The following MTOR variants were observed in gnomAD, a reference collection of about 807,000 sequenced individuals.
MTOR encodes the protein mechanistic target of rapamycin kinase.
MTOR carries 70 observed loss-of-function variants against 319.8 expected under a neutral mutation model. The ratio of observed to expected loss-of-function variants is 0.22; its 90% CI spans 0.18 to 0.27. The LOEUF (loss-of-function observed/expected upper bound fraction) is 0.27. MTOR is among the 10% of genes least tolerant of loss of function. MTOR has a pLI of 1.00. For synonymous variants in MTOR, 1,183 were observed against 1,211.4 expected, an observed-to-expected ratio of 0.98 and a Z score of 0.49; for missense variants, 1,890 against 3,274.4, an observed-to-expected ratio of 0.58 and a Z score of 10.32.
chr1:11,193,352 T>C (rs1645625932), intron 28 of MTOR, among the ~76,000 whole-genome samples: 1 of 151,142 alleles, frequency 6.6e-6, no homozygotes, highest in African/African-American at 2.4e-5. Context: ...CCAAGCTTCA[T>C]GTGCACTCAC....
chr1:11,220,031 CAA>C (rs35124153), intron 19 of MTOR, among the ~76,000 whole-genome samples: 1 of 54,632 alleles, frequency 1.8e-5, no homozygotes, highest in Non-Finnish European at 3.4e-5. Flanking sequence ...GACTTGATCT[CAA>C]AAAAAAAAAA....
In MTOR at chr1:11,253,731, T is replaced by C. The variant is rs369492976; in HGVS notation, c.840+108A>G. 2.3e-5 allele frequency: 29 copies of C among 1,249,432 alleles called. No individual in the cohort carries two copies. The East Asian group carries it at 3.3e-4, about 14-fold the overall frequency. The allele number at this position is 1,249,432 out of a possible 1,614,324, so 77.4% of individuals were successfully genotyped here. A position where few individuals can be genotyped will look rare whatever the true frequency, so the allele number is the denominator to read the frequency against. Reference sequence around the variant, plus strand: ...AATTATCTTATTTACTTATTTATTATGTTTCCTGCCACAAAATGTCAGCTC... The same window carrying C: ...AATTATCTTATTTACTTATTTATTACGTTTCCTGCCACAAAATGTCAGCTC... On this transcript the variant is annotated intron_variant, in intron 6 of 57. Coordinates refer to ENST00000361445, the MANE Select transcript of MTOR (RefSeq NM_004958.4).
At chr1:11,110,726 G>T (rs1166245883) in intron 54 of MTOR, among the ~76,000 whole-genome samples, 2 of 152,032 alleles carry the variant, frequency 1.3e-5, no homozygotes, top group African/African-American at 4.8e-5. Flanking sequence ...TGATCCATTG[G>T]AAGTTCTTTT....
intron 28 of MTOR, chr1:11,189,234 C>T (rs1268878236): frequency 9.6e-6 from 2 of 208,824 alleles, no homozygotes; most frequent in Non-Finnish European, 2.0e-5. Context: ...CCGCTGACTT[C>T]ACCCAACAGG....
chr1:11,109,535 C>A lies in MTOR; in HGVS notation c.7447+114G>T. 1 of 1,254,504 alleles carries A rather than the reference C, an allele frequency of 8.0e-7. No individual in the cohort carries two copies. The highest frequency in any genetic ancestry group is 1.2e-6 in the Non-Finnish European group (1 of 867,770). The allele number at this position is 1,254,504 out of a possible 1,614,324, so 77.7% of individuals were successfully genotyped here. A position where few individuals can be genotyped will look rare whatever the true frequency, so the allele number is the denominator to read the frequency against. Reference sequence around the variant, plus strand: ...TAATGAGAAATTCATGGAACCTTTTCTGCTCAAAGGCAGTTTTGTTGCTTC... The same window carrying A: ...TAATGAGAAATTCATGGAACCTTTTATGCTCAAAGGCAGTTTTGTTGCTTC... On this transcript the variant is annotated intron_variant, in intron 55 of 57. Coordinates refer to ENST00000361445, the MANE Select transcript of MTOR (RefSeq NM_004958.4). This position sits in a 1 kb window ranked among gnomAD's most constrained non-coding sequence, Gnocchi z 4.0.
intron 18 of MTOR, among the ~76,000 whole-genome samples, chr1:11,230,322 A>G (rs1221434613): frequency 6.6e-6 from 1 of 152,166 alleles, no homozygotes; most frequent in African/African-American, 2.4e-5. Flanking sequence ...TGGGAGGCTG[A>G]GACAGAAGAA....
At chr1:11,207,105 G>A (rs183213589) in intron 25 of MTOR, among the ~76,000 whole-genome samples, 14 of 152,122 alleles carry the variant, frequency 9.2e-5, no homozygotes, top group Admixed American at 2.6e-4. Context: ...TTTTTTTGTC[G>A]TTGTTGTTGG....
chr1:11,159,657 A>G (rs906122986), intron 29 of MTOR, among the ~76,000 whole-genome samples: 61 of 151,868 alleles, frequency 4.0e-4, no homozygotes, highest in Middle Eastern at 3.4e-3. Flanking sequence ...AAAAAAAAAG[A>G]TAATATGTGC....
Position 11,231,548 on chromosome 1 carries a change from G to C in MTOR, c.2515-114C>G, listed in dbSNP as rs1647016221. ...TGTTAGAGGCTGTAAGAAGAAAAGA[G>C]GTTTCCAGTAAAGACACTAACCATG... On this transcript the variant is annotated intron_variant, in intron 16 of 57. Transcript: ENST00000361445. 2.3e-5 allele frequency: 30 copies of C among 1,331,192 alleles called. No individual in the cohort carries two copies. In the South Asian group the frequency reaches 3.7e-4, roughly 17 times the overall value. 82.5% of individuals were successfully genotyped at this position (1,331,192 alleles called of 1,614,324 possible).
rs1278862060 is a variant in MTOR, at chr1:11,107,517, A to G, written c.7635-17T>C. ...AAAGGGCACCTAAGAAGGCAGAAAGAAAAGGAATATTTTAATAATTTGAGC... is the reference window on the plus strand; with the variant it reads ...AAAGGGCACCTAAGAAGGCAGAAAGGAAAGGAATATTTTAATAATTTGAGC... On this transcript the variant is annotated splice_polypyrimidine_tract_variant and intron_variant, in intron 57 of 57. Coordinates refer to ENST00000361445, the MANE Select transcript of MTOR (RefSeq NM_004958.4). The G allele has an allele frequency of 1.2e-6, 2 of 1,612,012 alleles. No homozygotes were observed. The highest frequency in any genetic ancestry group is 8.5e-7 in the Non-Finnish European group (1 of 1,179,332).
At chr1:11,243,380 C>T in intron 8 of MTOR, 80 bp from the exon 9 acceptor site, 2 of 1,338,438 alleles carry the variant, frequency 1.5e-6, no homozygotes, top group African/African-American at 1.5e-5. Context: ...TCCTATAAAG[C>T]AATTCAGTTT....
rs1008092321 is a variant in MTOR, at chr1:11,128,727, C to T, written c.5811+128G>A. On this transcript the variant is annotated intron_variant, in intron 41 of 57. Transcript: ENST00000361445. The surrounding 1 kb of genome is among the most constrained non-coding windows in gnomAD (Gnocchi z 5.3). ...AAATATGGACACTTGACACTGGGAC[C>T]GAGCCCTACTTCCTTAGCACTGTAT... is the stretch of plus-strand genomic sequence containing the variant. 41 of 1,011,402 alleles carry T rather than the reference C, an allele frequency of 4.1e-5. No homozygotes were observed. The highest frequency in any genetic ancestry group is 5.1e-5 in the Non-Finnish European group (34 of 670,820). 62.7% of individuals were successfully genotyped at this position (1,011,402 alleles called of 1,614,324 possible).
chr1:11,170,030 T>C (rs1477948634), intron 28 of MTOR, among the ~76,000 whole-genome samples: 2 of 152,154 alleles, frequency 1.3e-5, no homozygotes, highest in African/African-American at 4.8e-5. Context: ...AGGCTCCAGA[T>C]TCGTTGGGGA....
Position 11,189,971 on chromosome 1 carries a change from C to G in MTOR, c.4253+9287G>C, listed in dbSNP as rs1040488726. On this transcript the variant is annotated intron_variant, in intron 28 of 57. Coordinates refer to ENST00000361445, the MANE Select transcript of MTOR (RefSeq NM_004958.4). The stretch of plus-strand genomic sequence containing the variant: ...ACCTCCGCAGGTAAGGAGACCAGTC[C>G]CCTGAGGGAGCGTGGAGTGCCTCCC... 1.9e-6 allele frequency: 3 copies of G among 1,590,748 alleles called. No homozygotes were observed. In the African/African-American group the frequency reaches 4.0e-5, roughly 21 times the overall value.
intron 28 of MTOR, chr1:11,192,143 C>A (rs779568514): frequency 2.3e-5 from 17 of 732,780 alleles, no homozygotes; most frequent in Non-Finnish European, 3.9e-5. Context: ...CTCCCAAATG[C>A]AGACACTGAT....
chr1:11,135,391 T>C (rs1462080413), intron 36 of MTOR, among the ~76,000 whole-genome samples: 1 of 152,150 alleles, frequency 6.6e-6, no homozygotes, highest in Non-Finnish European at 1.5e-5. Flanking sequence ...CTAAATGCAT[T>C]AACACAGGGA....
At chr1:11,148,756 C>T (rs746264960) in intron 31 of MTOR, among the ~76,000 whole-genome samples, 2 of 151,902 alleles carry the variant, frequency 1.3e-5, no homozygotes, top group African/African-American at 2.4e-5. Context: ...AAAAATTAGC[C>T]GGGCGTGGTG....
At chr1:11,195,039 G>T in intron 28 of MTOR, 1 of 1,611,938 alleles carries the variant, frequency 6.2e-7, no homozygotes, top group East Asian at 2.2e-5. Flanking sequence ...GGCTGCCGTG[G>T]AGCACGGATA....
At chr1:11,147,054 G>C (rs1223263445) in intron 31 of MTOR, among the ~76,000 whole-genome samples, 1 of 152,180 alleles carries the variant, frequency 6.6e-6, no homozygotes, top group Non-Finnish European at 1.5e-5. Context: ...GAGGGGAAGT[G>C]CATGAGTGTG....
Sources: gnomAD v4.1 joint callset for allele counts (sites outside exome capture counted in the v4.1 genomes callset) on GRCh38, gnomAD v4.1.1 for gene constraint, Gnocchi (gnomAD v3.1) non-coding constraint, MANE v1.5 for transcripts, NCBI Gene and HGNC (gene_info 2026-07-23, HGNC 2026-07-21) for gene names.